CSMD3: variants seen among roughly 807,000 people sequenced by gnomAD.
CSMD3 encodes the protein CUB and Sushi multiple domains 3.
CSMD3 carries 177 observed loss-of-function variants against 435.2 expected under a neutral mutation model. The ratio of observed to expected loss-of-function variants is 0.41; its 90% confidence interval spans 0.36 to 0.46. The LOEUF (loss-of-function observed/expected upper bound fraction) is 0.46. Among genes scored for constraint, CSMD3 ranks in the 20% least tolerant of loss-of-function variants. CSMD3 has a pLI of 0.34. For synonymous variants in CSMD3, 1,656 were observed against 1,520.5 expected, an observed-to-expected ratio of 1.09 and a Z score of -2.07; for missense variants, 4,265 against 4,504.6, an observed-to-expected ratio of 0.95 and a Z score of 1.52.
At chr8:112,382,379 T>C (rs1829550809) in intron 37 of CSMD3, among the ~76,000 whole-genome samples, 1 of 152,024 alleles carries the variant, frequency 6.6e-6, no homozygotes, top group Admixed American at 6.5e-5. Context: ...TGTGTGCGAT[T>C]TTTCTAAGAT....
At chr8:112,978,537 C>A (rs1226949123) in intron 6 of CSMD3, among the ~76,000 whole-genome samples, 1 of 151,870 alleles carries the variant, frequency 6.6e-6, no homozygotes, top group African/African-American at 2.4e-5. Flanking sequence ...TTCTAGCAGT[C>A]CCAATCTTAA....
At chr8:113,313,635 G>A (rs560837696) in intron 2 of CSMD3, 13 of 152,260 alleles carry the variant, frequency 8.5e-5, no homozygotes, top group African/African-American at 2.9e-4. Flanking sequence ...ACATTAGGAA[G>A]GCAAGAACAT....
intron 1 of CSMD3, among the ~76,000 whole-genome samples, chr8:113,409,529 T>C (rs192111227): frequency 1.1e-4 from 17 of 152,304 alleles, no homozygotes; most frequent in Non-Finnish European, 2.2e-4. Context: ...CACTGTATAT[T>C]CATGCCTAGC....
At chr8:113,249,374 T>A (rs1171416474) in intron 3 of CSMD3, among the ~76,000 whole-genome samples, 1 of 152,098 alleles carries the variant, frequency 6.6e-6, no homozygotes, top group Non-Finnish European at 1.5e-5. Flanking sequence ...CATGGAAACA[T>A]TTGAGACCCA....
At chr8:113,190,638 A>G (rs2092570962) in intron 3 of CSMD3, among the ~76,000 whole-genome samples, 1 of 151,654 alleles carries the variant, frequency 6.6e-6, no homozygotes. Context: ...CGATGTTTTT[A>G]GCATTATAAA....
chr8:112,756,267 A>G lies in CSMD3; in HGVS notation c.1972+43895T>C, dbSNP rs73702206. ...TTTTAGAACATCTCATTAAACTTGCAAAGGGTTGATTCCTACCAGGTGCTT... is the reference window on the plus strand; with the variant it reads ...TTTTAGAACATCTCATTAAACTTGCGAAGGGTTGATTCCTACCAGGTGCTT... On this transcript the variant is annotated intron_variant, in intron 13 of 70. Transcript: ENST00000297405. Among the ~76,000 whole-genome samples the G allele has an allele frequency of 5.0e-3, 761 of 152,274 alleles. 6 individuals are homozygous for G. Among genetic ancestry groups the G allele is most frequent in the African/African-American group, 0.016 (682 of 41,546 alleles).
intron 23 of CSMD3, among the ~76,000 whole-genome samples, chr8:112,580,881 T>C (rs1020512319): frequency 2.0e-5 from 3 of 152,070 alleles, no homozygotes; most frequent in Non-Finnish European, 2.9e-5. Flanking sequence ...AGACGTTGAA[T>C]TGGCAAATAC....
At chr8:113,067,165 T>A (rs1464003007) in intron 5 of CSMD3, among the ~76,000 whole-genome samples, 15 of 152,114 alleles carry the variant, frequency 9.9e-5, no homozygotes, top group Admixed American at 9.8e-4. Flanking sequence ...AATTTTAAAT[T>A]CCCTTTTATA....
intron 7 of CSMD3, among the ~76,000 whole-genome samples, chr8:112,973,878 A>G: frequency 6.6e-6 from 1 of 152,080 alleles, no homozygotes; most frequent in South Asian, 2.1e-4. Context: ...TGATAAAAGT[A>G]TAACAATTTA....
At position 112,947,284 on chromosome 8, in the gene CSMD3, T is replaced by A. The variant is rs73702265; in HGVS notation, c.1508+506A>T. 9.0e-3 allele frequency among the ~76,000 whole-genome samples: 1,360 copies of A among 151,900 alleles called. 25 individuals carry two copies. Among genetic ancestry groups the A allele is most frequent in the African/African-American group, 0.031 (1,297 of 41,528 alleles). ...TAACTTAATTTTAAATTGATAAAAT[T>A]AATACTAATTTGTGATGGATATAAA... On this transcript the variant is annotated intron_variant, in intron 9 of 70. Transcript: ENST00000297405.
At chr8:112,457,204 T>G (rs1368984429) in intron 32 of CSMD3, among the ~76,000 whole-genome samples, 1 of 152,036 alleles carries the variant, frequency 6.6e-6, no homozygotes, top group African/African-American at 2.4e-5. Flanking sequence ...GGCATTAATA[T>G]TGAAAATAAT....
chr8:113,306,395 G>C (rs1366166651), intron 2 of CSMD3, among the ~76,000 whole-genome samples: 2 of 152,132 alleles, frequency 1.3e-5, no homozygotes, highest in Non-Finnish European at 2.9e-5. Flanking sequence ...TGGAGATAGA[G>C]ACATGCGAGA....
At chr8:113,051,307 T>C (rs2088080128) in intron 5 of CSMD3, among the ~76,000 whole-genome samples, 1 of 152,064 alleles carries the variant, frequency 6.6e-6, no homozygotes, top group African/African-American at 2.4e-5. Flanking sequence ...TCCATTATAA[T>C]TGCCAAATGA....
intron 22 of CSMD3, among the ~76,000 whole-genome samples, chr8:112,588,580 C>T (rs1183914847): frequency 6.6e-6 from 1 of 151,622 alleles, no homozygotes; most frequent in Non-Finnish European, 1.5e-5. Flanking sequence ...ATTATAATAC[C>T]AAAACCAGTT....
chr8:112,409,115 G>A (rs1196873800), intron 32 of CSMD3, 83 bp from the exon 33 acceptor site: 35 of 1,597,646 alleles, frequency 2.2e-5, no homozygotes, highest in Non-Finnish European at 3.0e-5. Flanking sequence ...AGAAAGAGGA[G>A]GAGAGAGAGA....
intron 32 of CSMD3, among the ~76,000 whole-genome samples, chr8:112,430,905 T>A (rs1170216661): frequency 1.3e-5 from 2 of 151,524 alleles, no homozygotes; most frequent in South Asian, 2.1e-4. Context: ...TATGTGTGTG[T>A]GTGTGTGTGT....
rs1554667778 is a variant in CSMD3, at chr8:112,741,772, T to TA, written c.1973-51723_1973-51722insT. Reference sequence around the variant, plus strand: ...GCAATATAGATAAATGATAGATAGATGATAGATAGATAGATAGAGAGAAGA... The same window carrying TA: ...GCAATATAGATAAATGATAGATAGATAGATAGATAGATAGATAGAGAGAAGA... On this transcript the variant is annotated intron_variant, in intron 13 of 70. Transcript: ENST00000297405. 3.3e-3 allele frequency among the ~76,000 whole-genome samples: 439 copies of TA among 133,774 alleles called. 1 individual carries two copies. The highest frequency in any genetic ancestry group is 5.1e-3 in the Non-Finnish European group (317 of 61,840). 87.8% of individuals were successfully genotyped at this position (133,774 alleles called of 152,430 possible).
intron 4 of CSMD3, among the ~76,000 whole-genome samples, chr8:113,108,559 A>G (rs2090550129): frequency 6.6e-6 from 1 of 152,196 alleles, no homozygotes. Context: ...GGGCAACATA[A>G]CTATTCGCAG....
At chr8:112,905,388 T>C (rs984103708) in intron 10 of CSMD3, among the ~76,000 whole-genome samples, 2 of 151,094 alleles carry the variant, frequency 1.3e-5, no homozygotes, top group Non-Finnish European at 3.0e-5. Flanking sequence ...TGGGTATTGT[T>C]AGGAGGCAAT....
Sources: allele counts gnomAD v4.1 joint callset (sites outside exome capture counted in the v4.1 genomes callset), GRCh38; gene constraint gnomAD v4.1.1; transcripts MANE v1.5; gene names NCBI Gene and HGNC (gene_info 2026-07-23, HGNC 2026-07-21).